The following CLEC16A variants were observed in gnomAD, a reference collection of about 807,000 sequenced individuals.
CLEC16A encodes the protein C-type lectin domain containing 16A, also known as protein CLEC16A.
CLEC16A carries 51 observed loss-of-function variants against 109.5 expected under a neutral mutation model. The observed-to-expected ratio is 0.47, with a 90% CI of 0.37 to 0.59. The LOEUF is 0.59. Among genes scored for constraint, CLEC16A ranks in the 20% least tolerant of loss-of-function variants. The pLI, the probability that CLEC16A is intolerant of heterozygous loss-of-function variation, is 0.00. For missense variants in CLEC16A, 1,339 were observed against 1,394.0 expected, an observed-to-expected ratio of 0.96 and a Z score of 0.63; for synonymous variants, 673 against 564.2, an observed-to-expected ratio of 1.19 and a Z score of -2.73.
chr16:11,027,724 G>C, intron 13 of CLEC16A: 1 of 1,574,944 alleles, frequency 6.3e-7, no homozygotes, highest in South Asian at 1.1e-5. Context: ...CTTGGCTATC[G>C]GGGTGAACGC....
At chr16:11,169,002 G>A (rs1327095678) in intron 23 of CLEC16A, among the ~76,000 whole-genome samples, 1 of 152,226 alleles carries the variant, frequency 6.6e-6, no homozygotes, top group Admixed American at 6.5e-5. Context: ...TGGAGGGCCA[G>A]CCAGGCAGCG....
At chr16:11,022,381 A>G (rs1266161141) in intron 12 of CLEC16A, among the ~76,000 whole-genome samples, 2 of 113,954 alleles carry the variant, frequency 1.8e-5, no homozygotes, top group East Asian at 4.9e-4. Context: ...GGATCCTACT[A>G]TGTTGCTCAG....
intron 5 of CLEC16A, 192 bp from the exon 6 acceptor site, chr16:10,972,362 C>T: frequency 3.4e-6 from 2 of 589,902 alleles, no homozygotes; most frequent in Admixed American, 3.2e-5. Flanking sequence ...TGGTCCAAGC[C>T]ACAGTTGGTT....
At chr16:11,088,865 A>G (rs2050152649) in intron 19 of CLEC16A, among the ~76,000 whole-genome samples, 1 of 152,162 alleles carries the variant, frequency 6.6e-6, no homozygotes, top group South Asian at 2.1e-4. Flanking sequence ...TTGTTGTTTA[A>G]AGGCATACTT....
At chr16:11,136,982 G>A (rs1273445659) in intron 22 of CLEC16A, among the ~76,000 whole-genome samples, 1 of 152,178 alleles carries the variant, frequency 6.6e-6, no homozygotes, top group Non-Finnish European at 1.5e-5. Context: ...CATGCCCTCC[G>A]TTCTGAAGCA....
At chr16:11,162,433 T>C (rs2054756747) in intron 22 of CLEC16A, among the ~76,000 whole-genome samples, 2 of 152,182 alleles carry the variant, frequency 1.3e-5, no homozygotes, top group Admixed American at 6.5e-5. Context: ...CTCCCTTTTT[T>C]TTCTCTTTTT....
At chr16:10,989,725 T>C (rs141788403) in intron 10 of CLEC16A, among the ~76,000 whole-genome samples, 106 of 152,284 alleles carry the variant, frequency 7.0e-4, no homozygotes, top group Admixed American at 1.8e-3. Flanking sequence ...TCACTTCTAG[T>C]AGCAGGACTC....
At chr16:10,992,868 TATG>T (rs760286021) in intron 10 of CLEC16A, among the ~76,000 whole-genome samples, 1 of 151,874 alleles carries the variant, frequency 6.6e-6, no homozygotes, top group Non-Finnish European at 1.5e-5. Flanking sequence ...CTTTGGGAGG[TATG>T]ATGAGGGAAG....
At chr16:11,160,964 C>G (rs2054702486) in intron 22 of CLEC16A, among the ~76,000 whole-genome samples, 1 of 152,226 alleles carries the variant, frequency 6.6e-6, no homozygotes, top group Non-Finnish European at 1.5e-5. Context: ...TCATTTCTAT[C>G]TCACTGGTCA....
At position 10,982,955 on chromosome 16, in the gene CLEC16A, G is replaced by T; in HGVS notation, c.1035G>T (p.Met345Ile). The T allele has an allele frequency of 6.2e-7, 1 of 1,610,956 alleles. No individual in the cohort carries two copies. The highest frequency in any genetic ancestry group is 1.3e-5 in the African/African-American group (1 of 75,002). The change falls in exon 10 of 24, where the codon ATG becomes ATT. Residue 345 changes from methionine (M) to isoleucine (I), a missense_variant. Met to Ile is a conservative substitution (Grantham distance 10). Around this residue, in one of 3 missense-constraint regions of CLEC16A, gnomAD observed 1,061 missense variants for 1,006.8 expected, o/e 1.05. Coordinates refer to ENST00000409790, the MANE Select transcript of CLEC16A (RefSeq NM_015226.3). ...EVILNGDLSE[M>I]YAKTEQDIQR... ...TTCTGAATGGTGATCTGTCTGAGAT[G>T]TACGCTAAGACTGAACAGGATATTC...
At chr16:11,172,305 C>G (rs563511043) in intron 23 of CLEC16A, among the ~76,000 whole-genome samples, 5 of 152,284 alleles carry the variant, frequency 3.3e-5, no homozygotes, top group Admixed American at 1.3e-4. Context: ...CATACACACT[C>G]ACACATAGAT....
At chr16:10,969,028 C>G (rs1382767447) in intron 3 of CLEC16A, 133 bp from the exon 4 acceptor site, 4 of 648,848 alleles carry the variant, frequency 6.2e-6, no homozygotes, top group African/African-American at 1.9e-5. Context: ...TAAGCTCTTC[C>G]CAGTTAGTGT....
intron 15 of CLEC16A, among the ~76,000 whole-genome samples, chr16:11,043,689 G>T (rs1462507542): frequency 1.3e-5 from 2 of 151,636 alleles, no homozygotes; most frequent in African/African-American, 4.8e-5. Context: ...ACATGGTGAA[G>T]CCCCATCTCT....
rs151109740 is a variant in CLEC16A, at chr16:11,054,932, CT to C, written c.1995+3308del. ...CCCTTTGGATTCAAAGGTTTTCTTT[CT>C]TTTTTTTTTTTTTTTTCCACCAAGT... On this transcript the variant is annotated intron_variant, in intron 18 of 23. Transcript: ENST00000409790. Among the ~76,000 whole-genome samples the C allele has an allele frequency of 4.6e-3, 602 of 130,540 alleles. 1 individual carries two copies. Among genetic ancestry groups the C allele is most frequent in the Middle Eastern group, 0.012 (3 of 256 alleles). 85.6% of individuals were successfully genotyped at this position (130,540 alleles called of 152,430 possible).
At chr16:11,090,386 C>T (rs2050237025) in intron 19 of CLEC16A, among the ~76,000 whole-genome samples, 1 of 152,106 alleles carries the variant, frequency 6.6e-6, no homozygotes, top group Non-Finnish European at 1.5e-5. Context: ...TGGAATGATT[C>T]TTAGGGGCCA....
At position 11,003,218 on chromosome 16, in the gene CLEC16A, C is replaced by A. The variant is rs1452757900; in HGVS notation, c.1216C>A (p.Pro406Thr). 1.2e-6 allele frequency: 2 copies of A among 1,613,114 alleles called. No homozygotes were observed. The highest frequency in any genetic ancestry group is 2.7e-5 in the African/African-American group (2 of 74,836). The change falls in exon 11 of 24, where the codon CCC becomes ACC. Residue 406 changes from proline to threonine, a missense_variant. Pro to Thr is a conservative substitution (Grantham distance 38). Transcript: ENST00000409790. ...GGAAGAAGAAGATGAGGAGAAAGGG[C>A]CCACCGAGGATGCCCAAGAAGACGC... The part of the protein sequence containing the change: ...VGEEEDEEKG[P>T]TEDAQEDAEK...
intron 21 of CLEC16A, 51 bp downstream of exon 21, chr16:11,123,997 G>C: frequency 6.6e-7 from 1 of 1,523,394 alleles, no homozygotes; most frequent in South Asian, 1.2e-5. Flanking sequence ...GGTGGGTCAG[G>C]GCTGTTTGTA....
intron 9 of CLEC16A, among the ~76,000 whole-genome samples, chr16:10,980,149 C>G (rs966826190): frequency 6.6e-6 from 1 of 152,202 alleles, no homozygotes; most frequent in African/African-American, 2.4e-5. Flanking sequence ...GTCCTTCTGA[C>G]TTGATCCCCA....
intron 19 of CLEC16A, among the ~76,000 whole-genome samples, chr16:11,097,884 G>A (rs993181520): frequency 1.3e-5 from 2 of 152,216 alleles, no homozygotes; most frequent in African/African-American, 4.8e-5. Flanking sequence ...TTCAGTGTTG[G>A]CTCAGGGTAT....
Sources: gnomAD v4.1 joint callset for allele counts (sites outside exome capture counted in the v4.1 genomes callset) on GRCh38, gnomAD v4.1.1 for gene constraint, gnomAD v4.1.1 regional missense constraint, MANE v1.5 for transcripts, NCBI Gene and HGNC (gene_info 2026-07-23, HGNC 2026-07-21) for gene names.